CSMD1: variants seen among roughly 807,000 people sequenced by gnomAD.
CSMD1 encodes the protein CUB and Sushi multiple domains 1.
In CSMD1, 213 loss-of-function variants were observed where a neutral mutation model predicts 417.5. The ratio of observed to expected loss-of-function variants is 0.51; its 90% CI spans 0.46 to 0.57. The LOEUF (loss-of-function observed/expected upper bound fraction) is 0.57, where lower values mean the gene tolerates loss of function less well. Among genes scored for constraint, CSMD1 ranks in the 20% least tolerant of loss-of-function variants. The probability of loss-of-function intolerance (pLI) is 0.00; values close to 1 mark genes in which losing one functional copy is unlikely to be tolerated. For missense variants in CSMD1, 6,923 were observed against 4,529.7 expected (o/e 1.53, Z -15.17); for synonymous variants, 2,862 against 1,736.8 (o/e 1.65, Z -16.11).
chr8:4,145,962 G>A (rs115009564), intron 3 of CSMD1, among the ~76,000 whole-genome samples: 1,513 of 150,850 alleles, frequency 0.01, 124 homozygotes, highest in African/African-American at 0.036. Context: ...TCTTGTTACC[G>A]CTGTCATTTG....
At chr8:4,028,306 C>G (rs1275723814) in intron 4 of CSMD1, among the ~76,000 whole-genome samples, 1 of 152,044 alleles carries the variant, frequency 6.6e-6, no homozygotes, top group African/African-American at 2.4e-5. Flanking sequence ...TCCAGATTCC[C>G]CACCTATAAT....
At chr8:3,712,499 G>A (rs1255612796) in intron 6 of CSMD1, among the ~76,000 whole-genome samples, 2 of 152,026 alleles carry the variant, frequency 1.3e-5, no homozygotes, top group Non-Finnish European at 2.9e-5. Context: ...GTCACCTATG[G>A]CAAATCCCTG....
intron 3 of CSMD1, among the ~76,000 whole-genome samples, chr8:4,072,984 G>C (rs763082789): frequency 6.6e-6 from 1 of 152,088 alleles, no homozygotes; most frequent in Non-Finnish European, 1.5e-5. Context: ...ATTTTGCCTT[G>C]AATTACACAA....
chr8:4,804,204 A>G (rs771622598), intron 1 of CSMD1, among the ~76,000 whole-genome samples: 2 of 152,352 alleles, frequency 1.3e-5, no homozygotes, highest in Non-Finnish European at 2.9e-5. Flanking sequence ...CAGGAAATTT[A>G]AACCATATTT....
chr8:3,634,646 G>T (rs1365332759), intron 7 of CSMD1, among the ~76,000 whole-genome samples: 1 of 152,098 alleles, frequency 6.6e-6, no homozygotes, highest in East Asian at 1.9e-4. Flanking sequence ...CTCGAGAGTG[G>T]TACTGGGGAC....
At chr8:4,701,645 T>C (rs1030914975) in intron 1 of CSMD1, among the ~76,000 whole-genome samples, 2 of 152,080 alleles carry the variant, frequency 1.3e-5, no homozygotes, top group Non-Finnish European at 2.9e-5. Context: ...GAGTTTGAAG[T>C]ATGCTAGGTC....
At chr8:3,816,624 G>C (rs573742731) in intron 5 of CSMD1, among the ~76,000 whole-genome samples, 2 of 152,072 alleles carry the variant, frequency 1.3e-5, no homozygotes, top group African/African-American at 2.4e-5. Context: ...CCAAACAGAA[G>C]AGAATAATTT....
At chr8:4,014,899 G>C (rs899621875) in intron 4 of CSMD1, among the ~76,000 whole-genome samples, 1 of 152,126 alleles carries the variant, frequency 6.6e-6, no homozygotes, top group Admixed American at 6.6e-5. Context: ...AATGGGCAGA[G>C]CCACTTCTGA....
chr8:4,524,291 T>C (rs865801014), intron 2 of CSMD1, among the ~76,000 whole-genome samples: 4 of 150,004 alleles, frequency 2.7e-5, no homozygotes, highest in Non-Finnish European at 5.9e-5. Context: ...TGGACAAATA[T>C]GTGTTAACAA....
intron 12 of CSMD1, among the ~76,000 whole-genome samples, chr8:3,447,340 CTG>C (rs1491492556): frequency 3.3e-5 from 5 of 151,486 alleles, no homozygotes; most frequent in African/African-American, 1.2e-4. Context: ...AGATCAGTAA[CTG>C]AGTCTCAGAA....
chr8:4,682,417 T>C (rs1328377366), intron 1 of CSMD1, among the ~76,000 whole-genome samples: 2 of 152,194 alleles, frequency 1.3e-5, no homozygotes, highest in African/African-American at 2.4e-5. Context: ...TTTAGTAATT[T>C]TCAAATTTCG....
At chr8:4,029,355 A>G (rs1046365263) in intron 4 of CSMD1, among the ~76,000 whole-genome samples, 7 of 152,200 alleles carry the variant, frequency 4.6e-5, no homozygotes, top group Admixed American at 1.3e-4. Flanking sequence ...GAGAGGTTTG[A>G]TGGACATACA....
rs373819378 is a variant in CSMD1, at chr8:4,733,692, C to G, written c.86-96134G>C. ...TTTGTTCACTGACTACCTATTTTTC[C>G]TTTCTCCTATCTATGACTTAACAAA... On this transcript the variant is annotated intron_variant, in intron 1 of 69. Coordinates refer to ENST00000635120, the MANE Select transcript of CSMD1 (RefSeq NM_033225.6). Among the ~76,000 whole-genome samples the G allele has an allele frequency of 3.3e-5, 5 of 152,274 alleles. No homozygotes were observed. The East Asian group carries it at 5.8e-4, about 18-fold the overall frequency.
chr8:2,948,114 G>A (rs1192107639), intron 68 of CSMD1, among the ~76,000 whole-genome samples: 1 of 152,044 alleles, frequency 6.6e-6, no homozygotes, highest in South Asian at 2.1e-4. Context: ...AATACTGTGT[G>A]AATAGTATTC....
At chr8:4,500,642 G>C (rs1254676177) in intron 2 of CSMD1, among the ~76,000 whole-genome samples, 2 of 152,130 alleles carry the variant, frequency 1.3e-5, no homozygotes, top group African/African-American at 4.8e-5. Flanking sequence ...AGGGACGAAA[G>C]TGAGAGGTGT....
intron 2 of CSMD1, among the ~76,000 whole-genome samples, chr8:4,557,474 T>C (rs570443280): frequency 6.6e-6 from 1 of 152,036 alleles, no homozygotes; most frequent in East Asian, 1.9e-4. Context: ...TAAAAGCACA[T>C]TGATTCTATC....
chr8:2,969,768 A>G (rs1197062149), intron 57 of CSMD1, among the ~76,000 whole-genome samples: 4 of 152,188 alleles, frequency 2.6e-5, no homozygotes, highest in African/African-American at 9.6e-5. Context: ...ACAAAATGAA[A>G]ACCTACAGAT....
chr8:4,255,067 T>C (rs1803360094), intron 3 of CSMD1, among the ~76,000 whole-genome samples: 1 of 152,186 alleles, frequency 6.6e-6, no homozygotes, highest in Non-Finnish European at 1.5e-5. Flanking sequence ...TCAGCCTTTT[T>C]TATTATTTTG....
At chr8:4,475,991 T>G (rs370792949) in intron 2 of CSMD1, among the ~76,000 whole-genome samples, 27 of 152,272 alleles carry the variant, frequency 1.8e-4, no homozygotes, top group African/African-American at 6.0e-4. Flanking sequence ...CACAGTCATA[T>G]CTTTCATTTT....
Sources: gnomAD v4.1 joint callset for allele counts (sites outside exome capture counted in the v4.1 genomes callset) on GRCh38, gnomAD v4.1.1 for gene constraint, MANE v1.5 for transcripts, NCBI Gene and HGNC (gene_info 2026-07-23, HGNC 2026-07-21) for gene names.